BCAR3: variants seen among roughly 807,000 people sequenced by gnomAD.
The protein encoded by BCAR3 is BCAR3 adaptor protein, NSP family member.
A neutral mutation model predicts 80.1 loss-of-function variants in BCAR3; 37 were observed. That is an observed-to-expected ratio of 0.46 (90% CI 0.36 to 0.61). The LOEUF (loss-of-function observed/expected upper bound fraction) is 0.61. BCAR3 is among the 20% of genes least tolerant of loss of function. The probability of loss-of-function intolerance (pLI) is 0.00; values close to 1 mark genes in which losing one functional copy is unlikely to be tolerated. For missense variants in BCAR3, 978 were observed against 1,068.2 expected (o/e 0.92, Z 1.18); for synonymous variants, 389 against 418.9 (o/e 0.93, Z 0.87).
chr1:93,592,131 AT>A lies in BCAR3; in HGVS notation c.486+133del, dbSNP rs1251523453. ...CTTAGAGAAGGGTCTAAATGAAGTC[AT>A]TTTTAGAGTATTTGTTTTTGGTTAC... On this transcript the variant is annotated intron_variant, in intron 4 of 11. Coordinates refer to ENST00000260502, the MANE Select transcript of BCAR3 (RefSeq NM_003567.4). The surrounding 1 kb of genome is among the most constrained non-coding windows in gnomAD (Gnocchi z 4.8). The A allele has an allele frequency of 1.5e-5, 20 of 1,311,408 alleles. No individual in the cohort carries two copies. The East Asian group carries it at 4.3e-4, about 29-fold the overall frequency. 81.2% of individuals were successfully genotyped at this position (1,311,408 alleles called of 1,614,324 possible).
Position 93,674,926 on chromosome 1 carries a change from G to A in BCAR3, c.5C>T (p.Ala2Val), listed in dbSNP as rs1455153382. ...GGGAAGGCTTGCAAATTTTCCTGCA[G>A]CCATAATTCTCAACTCTAAGGGGGA... M[A>V]AGKFASLPRN... Residue 2 changes from alanine (A) to valine (V), a missense_variant, in exon 2 of 12, where the codon GCT (alanine) becomes GTT (valine). Physicochemically the swap from Ala to Val is moderately conservative, Grantham distance 64 (BLOSUM62 0). Coordinates refer to ENST00000260502, the MANE Select transcript of BCAR3 (RefSeq NM_003567.4). 6.4e-7 allele frequency: 1 copy of A among 1,551,208 alleles called. No homozygotes were observed. The highest frequency in any genetic ancestry group is 2.3e-5 in the East Asian group (1 of 43,634).
chr1:93,667,745 G>C (rs1448628761), intron 2 of BCAR3, among the ~76,000 whole-genome samples: 1 of 152,168 alleles, frequency 6.6e-6, no homozygotes, highest in African/African-American at 2.4e-5. Context: ...CAATCCCACA[G>C]CTAGCCTCTT....
chr1:93,770,295 G>A lies in BCAR3; in HGVS notation c.-62-64153C>T, dbSNP rs565807745. 9.2e-5 allele frequency among the ~76,000 whole-genome samples: 14 copies of A among 152,284 alleles called. No individual in the cohort carries two copies. In the East Asian group the frequency reaches 2.3e-3, roughly 25 times the overall value. ...CTACCAGAAAGGAGGTACAGCATCA[G>A]TAATGGCAGAGGCAATGACAGCTCA... On this transcript the variant is annotated intron_variant, in intron 2 of 13. Coordinates refer to the BCAR3 transcript ENST00000370244.
intron 2 of BCAR3, among the ~76,000 whole-genome samples, chr1:93,801,305 T>C (rs1456248529): frequency 6.6e-6 from 1 of 152,234 alleles, no homozygotes; most frequent in Admixed American, 6.5e-5. Context: ...GTCTTTCTTA[T>C]TCTGTATAAC....
At chr1:93,701,202 G>A (rs574070673) in intron 3 of BCAR3, among the ~76,000 whole-genome samples, 1 of 152,338 alleles carries the variant, frequency 6.6e-6, no homozygotes, top group East Asian at 1.9e-4. Flanking sequence ...CCACACGCAG[G>A]CACTGAATAA....
chr1:93,574,948 T>C (rs186027044), intron 8 of BCAR3, among the ~76,000 whole-genome samples: 1 of 152,350 alleles, frequency 6.6e-6, no homozygotes, highest in African/African-American at 2.4e-5. Flanking sequence ...TTCTATGGGA[T>C]GTATCCACGG....
chr1:93,700,786 G>A (rs1037561172), intron 3 of BCAR3, among the ~76,000 whole-genome samples: 4 of 152,218 alleles, frequency 2.6e-5, no homozygotes, highest in South Asian at 2.1e-4. Context: ...GTCTTTCAGC[G>A]GAATTCCACA....
chr1:93,611,978 C>A (rs1410218705), intron 3 of BCAR3, among the ~76,000 whole-genome samples: 1 of 152,120 alleles, frequency 6.6e-6, no homozygotes, highest in Non-Finnish European at 1.5e-5. Context: ...GGCAATCAAT[C>A]CCAATTTAAT....
intron 2 of BCAR3, among the ~76,000 whole-genome samples, chr1:93,772,285 TG>T (rs1482082792): frequency 2.0e-5 from 3 of 152,192 alleles, no homozygotes; most frequent in Non-Finnish European, 4.4e-5. Flanking sequence ...GAGAGAGGAT[TG>T]GAGGCAAATG....
At chr1:93,721,920 A>G (rs72721078) in intron 2 of BCAR3, among the ~76,000 whole-genome samples, 26 of 152,364 alleles carry the variant, frequency 1.7e-4, no homozygotes, top group Non-Finnish European at 3.5e-4. Flanking sequence ...GAGTTACCAT[A>G]TGCAGGAGCA....
chr1:93,710,839 C>G lies in BCAR3; in HGVS notation c.-62-4697G>C, dbSNP rs138552767. On this transcript the variant is annotated intron_variant, in intron 2 of 13. Coordinates refer to the BCAR3 transcript ENST00000370244. ...TTGTTATCTCACATATTCTTTGGAT[C>G]ATGAGTCTGGGAGCAGCTTAGCTCG... 6.2e-3 allele frequency among the ~76,000 whole-genome samples: 950 copies of G among 152,318 alleles called. 26 individuals are homozygous for G. Among genetic ancestry groups the G allele is most frequent in the Admixed American group, 0.059 (897 of 15,300 alleles).
chr1:93,822,147 G>C (rs962887601), intron 2 of BCAR3, among the ~76,000 whole-genome samples: 1 of 151,910 alleles, frequency 6.6e-6, no homozygotes, highest in East Asian at 1.9e-4. Flanking sequence ...AGAAGGTTCA[G>C]ATGGACATTG....
At chr1:93,843,454 T>C (rs1194544456) in intron 2 of BCAR3, among the ~76,000 whole-genome samples, 1 of 152,206 alleles carries the variant, frequency 6.6e-6, no homozygotes, top group Non-Finnish European at 1.5e-5. Flanking sequence ...CTCTTGCAAT[T>C]CTCATAACAA....
intron 2 of BCAR3, among the ~76,000 whole-genome samples, chr1:93,802,106 C>A (rs115628545): frequency 4.8e-5 from 7 of 146,426 alleles, no homozygotes; most frequent in Non-Finnish European, 1.0e-4. Flanking sequence ...TGCAGCCTGA[C>A]GACAGAGCAA....
chr1:93,573,748 C>T (rs1673331522), intron 8 of BCAR3, among the ~76,000 whole-genome samples: 1 of 151,842 alleles, frequency 6.6e-6, no homozygotes, highest in Admixed American at 6.6e-5. Flanking sequence ...CCTGCCTCAG[C>T]CTCCCACGTA....
chr1:93,725,980 G>T (rs1463083435), intron 2 of BCAR3, among the ~76,000 whole-genome samples: 2 of 151,974 alleles, frequency 1.3e-5, no homozygotes, highest in Non-Finnish European at 2.9e-5. Context: ...ATTTTATCTT[G>T]ATCACCACTT....
At chr1:93,710,339 T>C (rs1442719883) in intron 2 of BCAR3, among the ~76,000 whole-genome samples, 1 of 152,196 alleles carries the variant, frequency 6.6e-6, no homozygotes, top group Non-Finnish European at 1.5e-5. Flanking sequence ...ACCCATACCA[T>C]GCTGGATGTT....
chr1:93,579,425 G>A (rs900716821), intron 7 of BCAR3, among the ~76,000 whole-genome samples: 1 of 152,210 alleles, frequency 6.6e-6, no homozygotes, highest in Non-Finnish European at 1.5e-5. Flanking sequence ...CTGGGGCTGG[G>A]TGGGCAGAGT....
At chr1:93,609,455 A>G (rs765512813) in intron 3 of BCAR3, among the ~76,000 whole-genome samples, 3 of 152,052 alleles carry the variant, frequency 2.0e-5, no homozygotes, top group Non-Finnish European at 2.9e-5. Flanking sequence ...CTTGCAAGGT[A>G]ATTCCCGTCT....
Sources: allele counts gnomAD v4.1 joint callset (sites outside exome capture counted in the v4.1 genomes callset), GRCh38; gene constraint gnomAD v4.1.1; non-coding constraint Gnocchi (gnomAD v3.1); transcripts MANE v1.5; gene names NCBI Gene and HGNC (gene_info 2026-07-23, HGNC 2026-07-21).